The following ZBTB17 variants were observed in gnomAD, a reference collection of about 807,000 sequenced individuals.
ZBTB17 encodes zinc finger and BTB domain-containing protein 17.
A neutral mutation model predicts 85.1 loss-of-function variants in ZBTB17; 24 were observed. The observed-to-expected ratio is 0.28, with a 90% CI of 0.20 to 0.40. The LOEUF is 0.40. Among genes scored for constraint, ZBTB17 ranks in the 10% least tolerant of loss-of-function variants. The pLI is 1.00. For synonymous variants in ZBTB17, 464 were observed against 460.2 expected (o/e 1.01, Z -0.11); for missense variants, 743 against 1,105.1 (o/e 0.67, Z 4.65).
At chr1:15,960,989 C>T (rs1278404451) in intron 2 of ZBTB17, among the ~76,000 whole-genome samples, 1 of 151,416 alleles carries the variant, frequency 6.6e-6, no homozygotes, top group Non-Finnish European at 1.5e-5. Flanking sequence ...TGGTGCATGC[C>T]TGTGGTCCCA....
chr1:15,964,577 C>G lies in ZBTB17; in HGVS notation c.-3+8462G>C, dbSNP rs541269915. Among the ~76,000 whole-genome samples the G allele has an allele frequency of 6.6e-6, 1 of 152,028 alleles. No homozygotes were observed. The highest frequency in any genetic ancestry group is 2.1e-4 in the South Asian group (1 of 4,812). On this transcript the variant is annotated intron_variant, in intron 2 of 15. Transcript: ENST00000375743. This position sits in a 1 kb window ranked among gnomAD's most constrained non-coding sequence, Gnocchi z 4.3. Reference sequence around the variant, plus strand: ...TACAAAAAAGACAAAAATAGCTGAGCGTGGTGGCGTGTGCCTCTAGTCTCA... The same window carrying G: ...TACAAAAAAGACAAAAATAGCTGAGGGTGGTGGCGTGTGCCTCTAGTCTCA...
intron 2 of ZBTB17, chr1:15,969,955 G>T: frequency 3.8e-6 from 3 of 791,062 alleles, no homozygotes; most frequent in Non-Finnish European, 6.3e-6. Context: ...CATGTGGTTT[G>T]CTGGTGGCTT....
chr1:15,948,161 C>A (rs1204049673), intron 3 of ZBTB17, 130 bp downstream of exon 3: 2 of 1,098,110 alleles, frequency 1.8e-6, no homozygotes, highest in Non-Finnish European at 2.7e-6. Context: ...TGCTCATGGC[C>A]TGAAGCCTGT....
chr1:15,949,488 C>A (rs1461703656), intron 2 of ZBTB17, among the ~76,000 whole-genome samples: 1 of 152,254 alleles, frequency 6.6e-6, no homozygotes, highest in Non-Finnish European at 1.5e-5. Flanking sequence ...TAGACAGATT[C>A]AACTGGGCAC....
At chr1:15,974,281 G>A (rs1050535535) in intron 1 of ZBTB17, among the ~76,000 whole-genome samples, 6 of 148,588 alleles carry the variant, frequency 4.0e-5, no homozygotes, top group African/African-American at 1.5e-4. Flanking sequence ...AGCCTTCCAA[G>A]AAGCTGGGAC....
chr1:15,948,367 C>T lies in ZBTB17; in HGVS notation c.129G>A (p.Ala43=), dbSNP rs78486556. 40 of 1,614,028 alleles carry T rather than the reference C, an allele frequency of 2.5e-5. No individual in the cohort carries two copies. In the Middle Eastern group the frequency reaches 1.6e-3, roughly 67 times the overall value. Residue 43 remains alanine, a synonymous_variant, in exon 3 of 16, where the codon GCG becomes GCA. Transcript: ENST00000375743. ...VHFKAHKAVL[A]ACSEYFKMLF... ...GCATCTTGAAGTACTCGCTGCAGGC[C>T]GCCAGCACTGCTTTATGAGCCTTAA... is the stretch of plus-strand genomic sequence containing the variant.
chr1:15,962,615 A>G (rs189301067), intron 2 of ZBTB17, among the ~76,000 whole-genome samples: 1 of 152,280 alleles, frequency 6.6e-6, no homozygotes, highest in African/African-American at 2.4e-5. Flanking sequence ...ATCACACTCT[A>G]AAAACTGTGC....
chr1:15,949,961 A>T (rs1168399466), intron 2 of ZBTB17, among the ~76,000 whole-genome samples: 1 of 152,240 alleles, frequency 6.6e-6, no homozygotes, highest in African/African-American at 2.4e-5. Context: ...CCACAAGTTC[A>T]GCGTTGCTGC....
chr1:15,942,605 G>A lies in ZBTB17; in HGVS notation c.1962C>T (p.Val654=), dbSNP rs540665656. The change falls in exon 14 of 16, where the codon GTC becomes GTT. Residue 654 remains valine, a synonymous_variant. Transcript: ENST00000375743. ...CCATGTCATCCACAGTGACCACGCT[G>A]ACCTCACTGCCCTCCTCGGGCTCCA... is the stretch of plus-strand genomic sequence containing the variant. ...KILEPEEGSE[V]SVVTVDDMVT... is the part of the protein sequence containing the mutation. The A allele has an allele frequency of 1.2e-6, 2 of 1,613,264 alleles. No homozygotes were observed. The highest frequency in any genetic ancestry group is 1.1e-5 in the South Asian group (1 of 91,084).
Position 15,973,036 on chromosome 1 carries a change from T to C in ZBTB17, c.-3+3A>G, listed in dbSNP as rs2072739779. ...GTTTCATCCTTGAGTATTACAGACA[T>C]ACCTCAGATTTCCAGACAGCCCAGG... On this transcript the variant is annotated splice_donor_region_variant and intron_variant, in intron 2 of 15. Coordinates refer to ENST00000375743, the MANE Select transcript of ZBTB17 (RefSeq NM_003443.3). This position sits in a 1 kb window ranked among gnomAD's most constrained non-coding sequence, Gnocchi z 4.1. The C allele has an allele frequency of 6.6e-6, 1 of 152,218 alleles. No individual in the cohort carries two copies. The highest frequency in any genetic ancestry group is 1.5e-5 in the Non-Finnish European group (1 of 68,042). The allele number at this position is 152,218 out of a possible 1,614,324, so 9.4% of individuals were successfully genotyped here. A position where few individuals can be genotyped will look rare whatever the true frequency, so the allele number is the denominator to read the frequency against.
rs572348723 is a variant in ZBTB17 at position 15,942,601 on chromosome 1, C to T, written c.1966G>A (p.Val656Met). Reference sequence around the variant, plus strand: ...GTGACCATGTCATCCACAGTGACCACGCTGACCTCACTGCCCTCCTCGGGC... The same window carrying T: ...GTGACCATGTCATCCACAGTGACCATGCTGACCTCACTGCCCTCCTCGGGC... ...LEPEEGSEVS[V>M]VTVDDMVTLA... The change falls in exon 14 of 16, where the codon GTG (valine) becomes ATG (methionine). Residue 656 changes from valine to methionine, a missense_variant. By Grantham distance (21) the Val-to-Met change is conservative (BLOSUM62 1). Coordinates refer to ENST00000375743, the MANE Select transcript of ZBTB17 (RefSeq NM_003443.3). 10 of 1,613,246 alleles carry T rather than the reference C, an allele frequency of 6.2e-6. No homozygotes were observed. Among genetic ancestry groups the T allele is most frequent in the East Asian group, 2.2e-5 (1 of 44,890 alleles).
intron 2 of ZBTB17, among the ~76,000 whole-genome samples, chr1:15,958,508 A>G (rs2072133560): frequency 6.6e-6 from 1 of 151,994 alleles, no homozygotes; most frequent in Non-Finnish European, 1.5e-5. Context: ...TCAGGGCAGA[A>G]GGCCTGGGAA....
In ZBTB17 at chr1:15,951,475, C is replaced by T. The variant is rs769443034; in HGVS notation, c.-2-2978G>A. 6.6e-6 allele frequency among the ~76,000 whole-genome samples: 1 copy of T among 152,160 alleles called. No homozygotes were observed. The highest frequency in any genetic ancestry group is 6.6e-5 in the Admixed American group (1 of 15,264). ...GGACTAAGTGCTAAATGGTGTTACC[C>T]GCAGAACTGTGTCACTGTGGACTTT... On this transcript the variant is annotated intron_variant, in intron 2 of 15. Coordinates refer to ENST00000375743, the MANE Select transcript of ZBTB17 (RefSeq NM_003443.3). The surrounding 1 kb of genome is among the most constrained non-coding windows in gnomAD (Gnocchi z 4.1).
intron 2 of ZBTB17, among the ~76,000 whole-genome samples, chr1:15,961,039 A>G (rs1289969694): frequency 1.3e-5 from 2 of 151,942 alleles, no homozygotes; most frequent in Non-Finnish European, 2.9e-5. Flanking sequence ...ACTTAAGCCC[A>G]CAAGGTCAAC....
intron 2 of ZBTB17, among the ~76,000 whole-genome samples, chr1:15,961,870 G>A (rs867138318): frequency 1.3e-5 from 2 of 152,186 alleles, no homozygotes; most frequent in African/African-American, 4.8e-5. Context: ...TGGGGTGGGG[G>A]TCCCAGTGGA....
chr1:15,952,397 G>A lies in ZBTB17; in HGVS notation c.-2-3900C>T, dbSNP rs2071891156. ...CTGAGGACACCTGCAGTGTGAGTCC[G>A]GACAGGCACACTGACACAGCGGAAC... is the stretch of plus-strand genomic sequence containing the variant. On this transcript the variant is annotated intron_variant, in intron 2 of 15. Coordinates refer to ENST00000375743, the MANE Select transcript of ZBTB17 (RefSeq NM_003443.3). This position sits in a 1 kb window ranked among gnomAD's most constrained non-coding sequence, Gnocchi z 4.3. 6.6e-6 allele frequency among the ~76,000 whole-genome samples: 1 copy of A among 152,234 alleles called. No homozygotes were observed. Among genetic ancestry groups the A allele is most frequent in the Non-Finnish European group, 1.5e-5 (1 of 68,048 alleles).
At chr1:15,947,357 G>A (rs1570121875) in intron 3 of ZBTB17, 1 of 538,184 alleles carries the variant, frequency 1.9e-6, no homozygotes, top group Non-Finnish European at 3.3e-6. Context: ...CCTGCACAGA[G>A]AACAAAAGGT....
chr1:15,942,358 T>C lies in ZBTB17; in HGVS notation c.2101A>G (p.Lys701Glu). ...ETEVLKAEIS[K>E]AVKQVQEEDP... ...TCTTCCTGCACTTGCTTCACAGCTT[T>C]GCTGATCTCGGCCTTCAGGACTTCC... Residue 701 changes from lysine to glutamate, a missense_variant, in exon 15 of 16, where the codon AAA becomes GAA. Lys to Glu is a moderately conservative substitution (Grantham distance 56). Coordinates refer to ENST00000375743, the MANE Select transcript of ZBTB17 (RefSeq NM_003443.3). The C allele has an allele frequency of 6.2e-7, 1 of 1,613,926 alleles. No homozygotes were observed. The highest frequency in any genetic ancestry group is 8.5e-7 in the Non-Finnish European group (1 of 1,180,016).
chr1:15,948,263 A>C (rs781545605), intron 3 of ZBTB17, 28 bp downstream of exon 3: 2 of 1,613,146 alleles, frequency 1.2e-6, no homozygotes, highest in South Asian at 2.2e-5. Flanking sequence ...GGCTATCAGC[A>C]AGCTCAGCCC....
Sources: gnomAD v4.1 joint callset for allele counts (sites outside exome capture counted in the v4.1 genomes callset) on GRCh38, gnomAD v4.1.1 for gene constraint, Gnocchi (gnomAD v3.1) non-coding constraint, MANE v1.5 for transcripts, NCBI Gene and HGNC (gene_info 2026-07-23, HGNC 2026-07-21) for gene names.